Variants in PPA2 observed in about 807,000 individuals in gnomAD.
PPA2 encodes the protein inorganic pyrophosphatase 2, mitochondrial.
In PPA2, 48 loss-of-function variants were observed where a neutral mutation model predicts 49.5. The observed-to-expected ratio is 0.97, with a 90% confidence interval of 0.77 to 1.23. The LOEUF (loss-of-function observed/expected upper bound fraction) is 1.23, where lower values mean the gene tolerates loss of function less well. Among genes scored for constraint, PPA2 ranks in the 50% most tolerant of loss-of-function variants. The pLI is 0.00. For missense variants in PPA2, 429 were observed against 410.1 expected, an observed-to-expected ratio of 1.05 and a Z score of -0.40; for synonymous variants, 131 against 139.9, an observed-to-expected ratio of 0.94 and a Z score of 0.45.
At chr4:105,395,091 A>G (rs60953216) in intron 9 of PPA2, among the ~76,000 whole-genome samples, 2,083 of 152,100 alleles carry the variant, frequency 0.014, 47 homozygotes, top group African/African-American at 0.045. Context: ...AAAAAAAAAG[A>G]GTGCTCTGCA....
At chr4:105,402,528 T>C (rs1416240701) in intron 7 of PPA2, among the ~76,000 whole-genome samples, 1 of 152,136 alleles carries the variant, frequency 6.6e-6, no homozygotes, top group East Asian at 1.9e-4. Flanking sequence ...GCTTTTAACA[T>C]TTCAGGGAGA....
chr4:105,461,916 G>A (rs1393469273), intron 1 of PPA2, among the ~76,000 whole-genome samples: 1 of 152,112 alleles, frequency 6.6e-6, no homozygotes, highest in African/African-American at 2.4e-5. Context: ...CATCCTCTCA[G>A]CACTGTTAGA....
At chr4:105,409,538 G>A (rs375485839) in intron 7 of PPA2, among the ~76,000 whole-genome samples, 5 of 152,338 alleles carry the variant, frequency 3.3e-5, no homozygotes, top group African/African-American at 1.2e-4. Context: ...AGAAGGCAGT[G>A]GTTCTCCCAG....
intron 1 of PPA2, among the ~76,000 whole-genome samples, chr4:105,470,360 C>G (rs566618323): frequency 2.6e-5 from 4 of 152,292 alleles, no homozygotes; most frequent in Non-Finnish European, 5.9e-5. Context: ...GTGGTGCATG[C>G]CTGTAGTCCC....
chr4:105,472,618 T>C (rs1723569884), intron 1 of PPA2, among the ~76,000 whole-genome samples: 1 of 152,230 alleles, frequency 6.6e-6, no homozygotes, highest in Non-Finnish European at 1.5e-5. Context: ...CCTGTTCACC[T>C]GATCAGTCTT....
At chr4:105,458,384 A>C (rs1249977193) in intron 1 of PPA2, among the ~76,000 whole-genome samples, 2 of 152,200 alleles carry the variant, frequency 1.3e-5, no homozygotes, top group Non-Finnish European at 2.9e-5. Flanking sequence ...AAATGATGTT[A>C]AGATGATAAA....
intron 7 of PPA2, among the ~76,000 whole-genome samples, chr4:105,407,291 TCTTA>T (rs1224187068): frequency 2.0e-5 from 3 of 152,284 alleles, no homozygotes; most frequent in South Asian, 4.1e-4. Flanking sequence ...AATGTATTTC[TCTTA>T]CTTTCTTTAA....
At chr4:105,466,069 T>C (rs1465755848) in intron 1 of PPA2, among the ~76,000 whole-genome samples, 1 of 152,174 alleles carries the variant, frequency 6.6e-6, no homozygotes, top group Non-Finnish European at 1.5e-5. Context: ...ACAAACTTCG[T>C]GTCTCAGAAC....
chr4:105,408,253 G>C (rs1464193682), intron 7 of PPA2, among the ~76,000 whole-genome samples: 2 of 152,036 alleles, frequency 1.3e-5, no homozygotes, highest in Non-Finnish European at 2.9e-5. Context: ...AAACCACTAA[G>C]GTGCAAAACT....
chr4:105,430,128 C>T (rs1723728680), intron 6 of PPA2, among the ~76,000 whole-genome samples: 2 of 152,292 alleles, frequency 1.3e-5, no homozygotes, highest in South Asian at 4.1e-4. Flanking sequence ...ATTCAAAATG[C>T]AGTTTTACAT....
At chr4:105,424,476 G>T (rs1373643713) in intron 6 of PPA2, among the ~76,000 whole-genome samples, 154 bp from the exon 7 acceptor site, 1 of 151,548 alleles carries the variant, frequency 6.6e-6, no homozygotes, top group Non-Finnish European at 1.5e-5. Flanking sequence ...AGTCTGCCTT[G>T]CAATGTCCCT....
intron 2 of PPA2, among the ~76,000 whole-genome samples, chr4:105,454,475 C>A (rs1379019200): frequency 6.6e-6 from 1 of 151,988 alleles, no homozygotes; most frequent in Non-Finnish European, 1.5e-5. Flanking sequence ...GGACTACAGG[C>A]GCCCGCTACC....
At chr4:105,401,109 G>T (rs924730575) in intron 7 of PPA2, among the ~76,000 whole-genome samples, 4 of 152,070 alleles carry the variant, frequency 2.6e-5, no homozygotes, top group African/African-American at 9.7e-5. Context: ...ATTATAAAAA[G>T]TTCCAGCTAA....
chr4:105,411,798 A>C (rs1031195860), intron 7 of PPA2, among the ~76,000 whole-genome samples: 1 of 152,206 alleles, frequency 6.6e-6, no homozygotes, highest in African/African-American at 2.4e-5. Flanking sequence ...CACCAATAAC[A>C]GACAAACAGA....
intron 4 of PPA2, among the ~76,000 whole-genome samples, chr4:105,446,804 A>C (rs1398412803): frequency 6.6e-6 from 1 of 152,190 alleles, no homozygotes; most frequent in Non-Finnish European, 1.5e-5. Context: ...AAGATTAATC[A>C]ACTTGCCTTT....
At chr4:105,443,591 T>TCACACACACACA (rs56765056) in intron 5 of PPA2, among the ~76,000 whole-genome samples, 4 of 145,412 alleles carry the variant, frequency 2.8e-5, no homozygotes. Flanking sequence ...TATGGTGTAT[T>TCACACACACACA]CACACACACA....
Position 105,453,598 on chromosome 4 carries a change from C to G in PPA2, c.267G>C (p.Glu89Asp). The G allele has an allele frequency of 6.2e-7, 1 of 1,601,146 alleles. No homozygotes were observed. Among genetic ancestry groups the G allele is most frequent in the East Asian group, 2.2e-5 (1 of 44,612 alleles). The stretch of plus-strand genomic sequence containing the variant: ...CAAAAATAAAAACCTTTGGATATAC[C>G]TCATATTCATCATTTCGTGCTTTCT... The part of the protein sequence containing the change: ...PMKKARNDEY[E>D]NLFNMIVEIP... The change falls in exon 3 of 12, where the codon GAG (glutamate) becomes GAC (aspartate). Residue 89 changes from glutamate (E) to aspartate (D), a missense_variant and splice_region_variant. Transcript: ENST00000341695.
chr4:105,450,501 C>T (rs1309859231), intron 3 of PPA2, among the ~76,000 whole-genome samples: 4 of 151,624 alleles, frequency 2.6e-5, no homozygotes, highest in East Asian at 1.9e-4. Flanking sequence ...CTCAGCCTCC[C>T]GAGCAGCTGG....
intron 6 of PPA2, among the ~76,000 whole-genome samples, chr4:105,436,295 A>G (rs1724053495): frequency 6.6e-6 from 1 of 152,068 alleles, no homozygotes. Context: ...CAAGAACTAC[A>G]AAACACTGAT....
Sources: allele counts gnomAD v4.1 joint callset (sites outside exome capture counted in the v4.1 genomes callset), GRCh38; gene constraint gnomAD v4.1.1; transcripts MANE v1.5; gene names NCBI Gene and HGNC (gene_info 2026-07-23, HGNC 2026-07-21).